The following PIK3CB variants were observed in gnomAD, a reference collection of about 807,000 sequenced individuals.
PIK3CB encodes phosphatidylinositol-4,5-bisphosphate 3-kinase catalytic subunit beta.
PIK3CB carries 39 observed loss-of-function variants against 136.8 expected under a neutral mutation model. The observed-to-expected ratio is 0.29, with a 90% CI of 0.22 to 0.37. The LOEUF (loss-of-function observed/expected upper bound fraction) is 0.37, where lower values mean the gene tolerates loss of function less well. Ranked by LOEUF, PIK3CB falls within the 10% of genes least tolerant of loss-of-function variation. PIK3CB has a pLI of 1.00. For missense variants in PIK3CB, 868 were observed against 1,275.4 expected, an observed-to-expected ratio of 0.68 and a Z score of 4.87; for synonymous variants, 428 against 436.6, an observed-to-expected ratio of 0.98 and a Z score of 0.25.
At chr3:138,757,188 G>C (rs1044758452) in intron 3 of PIK3CB, among the ~76,000 whole-genome samples, 16 of 152,076 alleles carry the variant, frequency 1.1e-4, no homozygotes, top group African/African-American at 2.9e-4. Context: ...GGCAGATCAT[G>C]AGGTCAAGAA....
chr3:138,750,730 G>A lies in PIK3CB; in HGVS notation c.397+5024C>T, dbSNP rs574354253. Among the ~76,000 whole-genome samples the A allele has an allele frequency of 1.2e-4, 19 of 152,208 alleles. No homozygotes were observed. The East Asian group carries it at 3.3e-3, about 26-fold the overall frequency. Reference sequence around the variant, plus strand: ...ACACCCCTTTCTATGCCCCCAACTGGCTCTGCTAACTACCATTCAACTGTT... The same window carrying A: ...ACACCCCTTTCTATGCCCCCAACTGACTCTGCTAACTACCATTCAACTGTT... On this transcript the variant is annotated intron_variant, in intron 4 of 23. Transcript: ENST00000674063.
At chr3:138,686,100 A>G (rs1193779790) in intron 16 of PIK3CB, among the ~76,000 whole-genome samples, 2 of 150,460 alleles carry the variant, frequency 1.3e-5, no homozygotes, top group East Asian at 2.0e-4. Context: ...TCGTACCACT[A>G]CACTCTCCAG....
rs149388286 is a variant in PIK3CB, at chr3:138,657,217, T to A, written c.2942+473A>T. ...TTACATGATATGTCTCTAACCATCA[T>A]AGTAGCCCTTAATTTCATATTTTTG... is the stretch of plus-strand genomic sequence containing the variant. On this transcript the variant is annotated intron_variant, in intron 22 of 23. Coordinates refer to ENST00000674063, the MANE Select transcript of PIK3CB (RefSeq NM_006219.3). The A allele has an allele frequency of 5.4e-4, 84 of 155,950 alleles. 2 individuals carry two copies. In the South Asian group the frequency reaches 9.8e-3, roughly 18 times the overall value. 9.7% of individuals were successfully genotyped at this position (155,950 alleles called of 1,614,324 possible).
intron 4 of PIK3CB, among the ~76,000 whole-genome samples, chr3:138,754,262 C>G (rs2045524601): frequency 6.6e-6 from 1 of 152,006 alleles, no homozygotes. Flanking sequence ...CACCCTGTCT[C>G]TACTATAATA....
intron 2 of PIK3CB, among the ~76,000 whole-genome samples, chr3:138,773,989 A>C (rs1179271873): frequency 6.6e-6 from 1 of 152,232 alleles, no homozygotes; most frequent in Non-Finnish European, 1.5e-5. Context: ...TAGGACAAAG[A>C]CTACCAAAGA....
At chr3:138,669,672 A>C (rs573246772) in intron 19 of PIK3CB, among the ~76,000 whole-genome samples, 1 of 152,306 alleles carries the variant, frequency 6.6e-6, no homozygotes, top group South Asian at 2.1e-4. Context: ...AAATGATCTA[A>C]GCTGACATGA....
chr3:138,712,981 A>G (rs1375576989), intron 9 of PIK3CB, among the ~76,000 whole-genome samples: 1 of 152,188 alleles, frequency 6.6e-6, no homozygotes, highest in Non-Finnish European at 1.5e-5. Flanking sequence ...CTCTAGGCAT[A>G]TAAATATATC....
intron 4 of PIK3CB, among the ~76,000 whole-genome samples, chr3:138,744,297 A>G (rs2045303179): frequency 6.9e-6 from 1 of 144,510 alleles, no homozygotes; most frequent in South Asian, 2.3e-4. Context: ...CGGGAGGCTG[A>G]GGCAGGAGAA....
chr3:138,712,046 GATA>G (rs1368112219), intron 10 of PIK3CB, among the ~76,000 whole-genome samples, 159 bp downstream of exon 10: 1 of 151,846 alleles, frequency 6.6e-6, no homozygotes, highest in Non-Finnish European at 1.5e-5. Flanking sequence ...GTAATTTTAT[GATA>G]ATATTAAAAT....
rs564332459 is a variant in PIK3CB, at chr3:138,797,571, T to C, written c.-121-1004A>G. Among the ~76,000 whole-genome samples the C allele has an allele frequency of 3.3e-5, 5 of 152,290 alleles. No homozygotes were observed. The South Asian group carries it at 1.0e-3, about 32-fold the overall frequency. On this transcript the variant is annotated intron_variant, in intron 1 of 23. Coordinates refer to ENST00000674063, the MANE Select transcript of PIK3CB (RefSeq NM_006219.3). Reference sequence around the variant, plus strand: ...AATTTTTTAAATGAGAGGAACATTATAAAACAAATTTCAGAACAATTTCGA... The same window carrying C: ...AATTTTTTAAATGAGAGGAACATTACAAAACAAATTTCAGAACAATTTCGA...
chr3:138,727,211 A>G (rs2044858062), intron 8 of PIK3CB, among the ~76,000 whole-genome samples: 1 of 152,212 alleles, frequency 6.6e-6, no homozygotes, highest in Non-Finnish European at 1.5e-5. Context: ...TTTCTGTTAT[A>G]GACCTCATAC....
At chr3:138,762,246 T>A (rs1344035876) in intron 2 of PIK3CB, among the ~76,000 whole-genome samples, 1 of 151,600 alleles carries the variant, frequency 6.6e-6, no homozygotes, top group East Asian at 2.0e-4. Context: ...CAAAAATCCA[T>A]CTCAAAAAAA....
At chr3:138,681,627 T>A (rs2043784328) in intron 19 of PIK3CB, among the ~76,000 whole-genome samples, 1 of 152,180 alleles carries the variant, frequency 6.6e-6, no homozygotes. Flanking sequence ...CTGGACTAAG[T>A]ATAAAAAGGC....
chr3:138,716,829 G>A (rs932958538), intron 8 of PIK3CB, among the ~76,000 whole-genome samples: 2 of 147,288 alleles, frequency 1.4e-5, no homozygotes, highest in Non-Finnish European at 3.0e-5. Flanking sequence ...CCAGGAGGCG[G>A]GTTGCAGTGA....
At chr3:138,781,609 C>A (rs1053165635) in intron 2 of PIK3CB, among the ~76,000 whole-genome samples, 6 of 152,098 alleles carry the variant, frequency 3.9e-5, no homozygotes, top group Non-Finnish European at 7.4e-5. Flanking sequence ...CCCACCACCA[C>A]GCCTGGCTAA....
intron 2 of PIK3CB, among the ~76,000 whole-genome samples, chr3:138,765,669 C>T (rs937766804): frequency 2.2e-5 from 3 of 136,842 alleles, no homozygotes; most frequent in Non-Finnish European, 4.7e-5. Flanking sequence ...ATGGCAAAAC[C>T]CCCTCTCTTC....
chr3:138,714,799 G>C (rs187718401), intron 8 of PIK3CB, 80 bp from the exon 9 acceptor site: 1 of 1,237,166 alleles, frequency 8.1e-7, no homozygotes, highest in Admixed American at 2.5e-5. Flanking sequence ...TTGTTTGTTT[G>C]TTTCTACACT....
intron 8 of PIK3CB, among the ~76,000 whole-genome samples, chr3:138,718,875 G>T (rs1298057627): frequency 2.0e-5 from 3 of 151,910 alleles, no homozygotes; most frequent in African/African-American, 7.3e-5. Flanking sequence ...CTTATTTCTG[G>T]GCTCTTTATT....
In PIK3CB at chr3:138,714,532, GT is replaced by G; in HGVS notation, c.1237del (p.Thr413ArgfsTer26). On this transcript the variant is annotated frameshift_variant, in exon 9 of 24. Coordinates refer to ENST00000674063, the MANE Select transcript of PIK3CB (RefSeq NM_006219.3). LOFTEE classifies it high-confidence loss of function. ...AVYAVLDKVK[T>X]KKSTKTINPS... ...ATTAATAGTTTTCGTTGATTTCTTC[GT>G]TTTTACTTTATCCAAAACTGCATAA... 6.2e-7 allele frequency: 1 copy of G among 1,611,822 alleles called. No individual in the cohort carries two copies. Among genetic ancestry groups the G allele is most frequent in the Non-Finnish European group, 8.5e-7 (1 of 1,178,172 alleles).
Sources: allele counts gnomAD v4.1 joint callset (sites outside exome capture counted in the v4.1 genomes callset), GRCh38; gene constraint gnomAD v4.1.1; transcripts MANE v1.5; gene names NCBI Gene and HGNC (gene_info 2026-07-23, HGNC 2026-07-21).